Variants in POT1 observed in about 807,000 individuals in gnomAD.
POT1 encodes protection of telomeres protein 1.
Under a neutral mutation model 78.5 loss-of-function variants are expected in POT1, and 47 were observed. That is an observed-to-expected ratio of 0.60 (90% CI 0.47 to 0.76). POT1 has a LOEUF of 0.76. Ranked by LOEUF, POT1 falls within the 30% of genes least tolerant of loss-of-function variation. The pLI is 0.00. For missense variants in POT1, 646 were observed against 749.9 expected (o/e 0.86, Z 1.62); for synonymous variants, 259 against 260.7 (o/e 0.99, Z 0.06).
intron 2 of POT1, among the ~76,000 whole-genome samples, chr7:124,928,372 G>A (rs1291795803): frequency 6.6e-6 from 1 of 152,102 alleles, no homozygotes; most frequent in Non-Finnish European, 1.5e-5. Context: ...TCCTCAACAT[G>A]CACATAAGGA....
chr7:124,884,355 T>G (rs1274830760), intron 6 of POT1, among the ~76,000 whole-genome samples: 2 of 152,140 alleles, frequency 1.3e-5, no homozygotes, highest in Admixed American at 1.3e-4. Context: ...GAAATTTGAT[T>G]ATACTGCTCA....
intron 9 of POT1, 124 bp downstream of exon 9, chr7:124,858,833 G>C (rs938729482): frequency 1.2e-4 from 67 of 556,934 alleles, no homozygotes; most frequent in Non-Finnish European, 1.7e-4. Context: ...AAAAATCAAA[G>C]AAATAAATAT....
chr7:124,886,488 C>T (rs4360235), intron 6 of POT1, among the ~76,000 whole-genome samples: 91,339 of 151,892 alleles, frequency 0.6, 27,588 homozygotes, highest in African/African-American at 0.65. Flanking sequence ...ACTGAAGTTA[C>T]TAGAGAGAGT....
At chr7:124,837,957 T>A (rs1794935894) in intron 14 of POT1, among the ~76,000 whole-genome samples, 1 of 152,118 alleles carries the variant, frequency 6.6e-6, no homozygotes, top group South Asian at 2.1e-4. Flanking sequence ...AATTGTATGA[T>A]CATATTAATA....
At position 124,915,629 on chromosome 7, in the gene POT1, G is replaced by A. The variant is rs1796998197; in HGVS notation, c.-209C>T. 6.6e-6 allele frequency: 1 copy of A among 151,920 alleles called. No individual in the cohort carries two copies. The highest frequency in any genetic ancestry group is 2.4e-5 in the African/African-American group (1 of 41,374). 9.4% of individuals were successfully genotyped at this position (151,920 alleles called of 1,614,324 possible). A position where few individuals can be genotyped will look rare whatever the true frequency, so the allele number is the denominator to read the frequency against. Reference sequence around the variant, plus strand: ...TATTTCCACGATAAGTTAAAGAAGAGATAAGTGAAAGTTTTCCCTGAAATG... The same window carrying A: ...TATTTCCACGATAAGTTAAAGAAGAAATAAGTGAAAGTTTTCCCTGAAATG... On this transcript the variant is annotated 5_prime_UTR_variant, in exon 3 of 19. Coordinates refer to ENST00000357628, the MANE Select transcript of POT1 (RefSeq NM_015450.3).
At chr7:124,831,626 T>C (rs1280858316) in intron 15 of POT1, among the ~76,000 whole-genome samples, 1 of 151,998 alleles carries the variant, frequency 6.6e-6, no homozygotes, top group Non-Finnish European at 1.5e-5. Flanking sequence ...GGTCTGTAAA[T>C]GAAACAAAAA....
At chr7:124,850,333 T>C (rs1012569156) in intron 11 of POT1, among the ~76,000 whole-genome samples, 1 of 152,228 alleles carries the variant, frequency 6.6e-6, no homozygotes, top group East Asian at 1.9e-4. Flanking sequence ...AACAGCTAAG[T>C]AACTATGGAC....
intron 9 of POT1, chr7:124,853,540 C>T (rs1432526180): frequency 6.5e-6 from 1 of 153,224 alleles, no homozygotes; most frequent in Non-Finnish European, 1.5e-5. Context: ...CTTGCTTTAA[C>T]TAGTTTAAGG....
intron 3 of POT1, among the ~76,000 whole-genome samples, chr7:124,908,539 C>G (rs1306067980): frequency 6.6e-6 from 1 of 151,918 alleles, no homozygotes; most frequent in Non-Finnish European, 1.5e-5. Context: ...ATGCTATTCT[C>G]TCTTTGCAAT....
At chr7:124,851,689 A>G in intron 11 of POT1, 183 bp downstream of exon 11, 4 of 585,464 alleles carry the variant, frequency 6.8e-6, no homozygotes, top group South Asian at 6.4e-5. Context: ...ACGTAATTAT[A>G]TAATTTAGGA....
At position 124,867,271 on chromosome 7, in the gene POT1, T is replaced by A. The variant is rs138108494; in HGVS notation, c.256-3631A>T. Reference sequence around the variant, plus strand: ...AAGAATATCTTTGCCTTCATGCTTGTTCTTCAACAACCCATCTGTTATCCA... The same window carrying A: ...AAGAATATCTTTGCCTTCATGCTTGATCTTCAACAACCCATCTGTTATCCA... On this transcript the variant is annotated intron_variant, in intron 7 of 18. Coordinates refer to ENST00000357628, the MANE Select transcript of POT1 (RefSeq NM_015450.3). 1.6e-4 allele frequency among the ~76,000 whole-genome samples: 23 copies of A among 141,436 alleles called. No individual in the cohort carries two copies. In the East Asian group the frequency reaches 4.7e-3, roughly 29 times the overall value. The allele number at this position is 141,436 out of a possible 152,430, so 92.8% of individuals were successfully genotyped here.
chr7:124,886,940 A>G (rs1361647438), intron 6 of POT1, among the ~76,000 whole-genome samples: 1 of 152,064 alleles, frequency 6.6e-6, no homozygotes, highest in East Asian at 1.9e-4. Flanking sequence ...TCAACTTGTT[A>G]AAAAAACTTT....
At chr7:124,863,329 C>T (rs370277739) in intron 8 of POT1, 21 bp downstream of exon 8, 10 of 1,594,448 alleles carry the variant, frequency 6.3e-6, no homozygotes, top group Non-Finnish European at 6.0e-6. Context: ...CTTATAATTC[C>T]CAGTATTAAA....
chr7:124,835,510 A>C (rs1299460644), intron 14 of POT1, 96 bp from the exon 15 acceptor site: 1 of 1,321,858 alleles, frequency 7.6e-7, no homozygotes, highest in East Asian at 2.4e-5. Flanking sequence ...TAAAAGACTA[A>C]AGGAATTGAC....
intron 6 of POT1, among the ~76,000 whole-genome samples, chr7:124,880,412 CTAAA>C (rs1796090483): frequency 6.6e-6 from 1 of 151,942 alleles, no homozygotes; most frequent in Non-Finnish European, 1.5e-5. Context: ...ATAAATAATA[CTAAA>C]TAGTTTAATT....
Position 124,897,149 on chromosome 7 carries a change from C to T in POT1, c.9+16G>A, listed in dbSNP as rs1164478525. ...TATAGGTGTAATACTCTAAATTAAACTGAATATCATCTTACCAAAGACATT... is the reference window on the plus strand; with the variant it reads ...TATAGGTGTAATACTCTAAATTAAATTGAATATCATCTTACCAAAGACATT... On this transcript the variant is annotated intron_variant, in intron 5 of 18. Transcript: ENST00000357628. 3 of 1,430,102 alleles carry T rather than the reference C, an allele frequency of 2.1e-6. No homozygotes were observed. The highest frequency in any genetic ancestry group is 2.9e-6 in the Non-Finnish European group (3 of 1,029,930). 88.6% of individuals were successfully genotyped at this position (1,430,102 alleles called of 1,614,324 possible).
At chr7:124,844,587 T>C (rs1795117831) in intron 12 of POT1, among the ~76,000 whole-genome samples, 1 of 150,782 alleles carries the variant, frequency 6.6e-6, no homozygotes, top group Admixed American at 6.6e-5. Flanking sequence ...ATACAAAAAA[T>C]TAGCCGGTGT....
chr7:124,839,239 C>CA (rs536702728), intron 14 of POT1, among the ~76,000 whole-genome samples: 2 of 150,086 alleles, frequency 1.3e-5, no homozygotes, highest in East Asian at 1.9e-4. Context: ...CATCTGCATG[C>CA]AAAAAAAAAT....
chr7:124,872,754 G>A (rs1445621466), intron 6 of POT1, among the ~76,000 whole-genome samples: 1 of 152,156 alleles, frequency 6.6e-6, no homozygotes, highest in Non-Finnish European at 1.5e-5. Flanking sequence ...GTGAGATTAT[G>A]GGATCATATG....
Sources: allele counts gnomAD v4.1 joint callset (sites outside exome capture counted in the v4.1 genomes callset), GRCh38; gene constraint gnomAD v4.1.1; transcripts MANE v1.5; gene names NCBI Gene and HGNC (gene_info 2026-07-23, HGNC 2026-07-21).